Variants in HERC2 observed in about 807,000 individuals in gnomAD.
HERC2 encodes the protein E3 ubiquitin-protein ligase HERC2.
A neutral mutation model predicts 537.7 loss-of-function variants in HERC2; 102 were observed. The ratio of observed to expected loss-of-function variants is 0.19; its 90% CI spans 0.16 to 0.22. HERC2 has a LOEUF of 0.22. Among genes scored for constraint, HERC2 ranks in the 10% least tolerant of loss-of-function variants. The pLI is 1.00. For missense variants in HERC2, 4,236 were observed against 6,198.2 expected (o/e 0.68, Z 10.63); for synonymous variants, 2,224 against 2,466.2 (o/e 0.90, Z 2.91).
chr15:28,137,851 A>G (rs1157595875), intron 78 of HERC2, among the ~76,000 whole-genome samples: 1 of 152,244 alleles, frequency 6.6e-6, no homozygotes, highest in Non-Finnish European at 1.5e-5. Context: ...GGCACACTGA[A>G]AGCCAAGACA....
intron 6 of HERC2, 79 bp from the exon 7 acceptor site, chr15:28,274,526 T>G (rs1203317764): frequency 7.0e-7 from 1 of 1,434,926 alleles, no homozygotes; most frequent in Non-Finnish European, 9.3e-7. Flanking sequence ...CAGCGAGAGA[T>G]GACGCCACTG....
rs997704681 is a variant in HERC2 at position 28,162,953 on chromosome 15, G to C, written c.10746+141C>G. ...AAATGCTAAAACGTTTTGCTCTAAA[G>C]GAGTGCTCCTAACCTGCAGTCTACT... On this transcript the variant is annotated intron_variant, in intron 69 of 92. Coordinates refer to ENST00000261609, the MANE Select transcript of HERC2 (RefSeq NM_004667.6). The C allele has an allele frequency of 2.3e-5, 16 of 702,376 alleles. No individual in the cohort carries two copies. The African/African-American group carries it at 2.5e-4, about 11-fold the overall frequency. The allele number at this position is 702,376 out of a possible 1,614,324, so 43.5% of individuals were successfully genotyped here. A position where few individuals can be genotyped will look rare whatever the true frequency, so the allele number is the denominator to read the frequency against.
chr15:28,282,044 A>G (rs1199718090), intron 4 of HERC2, among the ~76,000 whole-genome samples: 1 of 152,128 alleles, frequency 6.6e-6, no homozygotes, highest in African/African-American at 2.4e-5. Flanking sequence ...GTACACTCTG[A>G]AACAGTGGGT....
Position 28,114,971 on chromosome 15 carries a change from G to A in HERC2, c.13723-169C>T, listed in dbSNP as rs1312413879. On this transcript the variant is annotated intron_variant, in intron 89 of 92. Transcript: ENST00000261609. ...AAGATATAAGAGGAGCAACGAGAGA[G>A]TACTTCACCCAAGGAGCTGAACGAA... Among the ~76,000 whole-genome samples, 5 of 152,146 alleles carry A rather than the reference G, an allele frequency of 3.3e-5. No homozygotes were observed. The East Asian group carries it at 9.7e-4, about 30-fold the overall frequency.
intron 92 of HERC2, among the ~76,000 whole-genome samples, chr15:28,112,606 G>A (rs1388198278): frequency 6.6e-6 from 1 of 152,214 alleles, no homozygotes; most frequent in Non-Finnish European, 1.5e-5. Context: ...CCAACAGAGA[G>A]TGGGGGCATT....
chr15:28,179,160 A>T lies in HERC2; in HGVS notation c.9001T>A (p.Ser3001Thr). 6.2e-7 allele frequency: 1 copy of T among 1,613,024 alleles called. No homozygotes were observed. The highest frequency in any genetic ancestry group is 8.5e-7 in the Non-Finnish European group (1 of 1,179,546). Residue 3001 changes from serine to threonine, a missense_variant, in exon 58 of 93, where the codon TCT (serine) becomes ACT (threonine). This residue lies in a region of HERC2 where 606 missense variants were observed against 884.5 expected (regional missense o/e 0.69). Coordinates refer to ENST00000261609, the MANE Select transcript of HERC2 (RefSeq NM_004667.6). ...ATCATACCTGCAAACAAACTTTTAGATCCACCAGCCACCTGTACCACATTC... is the reference window on the plus strand; with the variant it reads ...ATCATACCTGCAAACAAACTTTTAGTTCCACCAGCCACCTGTACCACATTC... ...ALNVVQVAGG[S>T]KSLFAVTVEG...
chr15:28,304,702 A>ATTTTTTTTTTTTTTTTTTTTTTT (rs780900477), intron 2 of HERC2, among the ~76,000 whole-genome samples: 1 of 108,346 alleles, frequency 9.2e-6, no homozygotes, highest in African/African-American at 3.4e-5. Context: ...AAGGGCTTCC[A>ATTTTTTTTTTTTTTTTTTTTTTT]TTTTTTTTTT....
At chr15:28,278,263 G>A (rs1214665842) in intron 5 of HERC2, among the ~76,000 whole-genome samples, 1 of 151,984 alleles carries the variant, frequency 6.6e-6, no homozygotes, top group Non-Finnish European at 1.5e-5. Context: ...CACGCCTGCA[G>A]TCCCAGCTAC....
intron 38 of HERC2, among the ~76,000 whole-genome samples, chr15:28,217,645 A>G (rs1404666158): frequency 6.6e-6 from 1 of 152,230 alleles, no homozygotes; most frequent in Non-Finnish European, 1.5e-5. Context: ...ATACATTCGG[A>G]ACCTCAGAAT....
chr15:28,133,722 C>T (rs954446447), intron 79 of HERC2, among the ~76,000 whole-genome samples: 41 of 152,340 alleles, frequency 2.7e-4, no homozygotes, highest in African/African-American at 9.1e-4. Flanking sequence ...AGTGAACTGG[C>T]TGTGCACTCG....
rs112394537 is a variant in HERC2, at chr15:28,226,749, T to C, written c.5464+1469A>G. Among the ~76,000 whole-genome samples, 1,389 of 152,256 alleles carry C rather than the reference T, an allele frequency of 9.1e-3. 18 individuals carry two copies. The highest frequency in any genetic ancestry group is 0.031 in the African/African-American group (1,280 of 41,546). On this transcript the variant is annotated intron_variant, in intron 35 of 92. Transcript: ENST00000261609. ...AGACGACAAAAGAGAAACAGATAAA[T>C]TGAACTTCATCAAAATAAAAAACTT... is the stretch of plus-strand genomic sequence containing the variant.
At chr15:28,289,953 A>G (rs1023760013) in intron 4 of HERC2, among the ~76,000 whole-genome samples, 2 of 151,036 alleles carry the variant, frequency 1.3e-5, no homozygotes, top group African/African-American at 4.9e-5. Flanking sequence ...TGAGAGGACC[A>G]CACACCTCAG....
intron 71 of HERC2, 143 bp from the exon 72 acceptor site, chr15:28,144,947 C>A: frequency 1.0e-6 from 1 of 970,674 alleles, no homozygotes; most frequent in Non-Finnish European, 1.6e-6. Flanking sequence ...CCGAAGTGCA[C>A]AGTGACACAA....
intron 88 of HERC2, among the ~76,000 whole-genome samples, chr15:28,116,222 C>CTTT (rs11365574): frequency 7.9e-6 from 1 of 126,510 alleles, no homozygotes; most frequent in African/African-American, 2.7e-5. Context: ...TTTTCTTTTT[C>CTTT]TTTTTTTTTT....
At chr15:28,257,598 G>A (rs16950941) in intron 16 of HERC2, among the ~76,000 whole-genome samples, 10,497 of 152,256 alleles carry the variant, frequency 0.069, 879 homozygotes, top group East Asian at 0.41. Flanking sequence ...ACTAGACAAC[G>A]AATTGTTAGA....
rs753358110 is a variant in HERC2, at chr15:28,191,050, T to C, written c.8564A>G (p.Asn2855Ser). 59 of 1,611,324 alleles carry C rather than the reference T, an allele frequency of 3.7e-5. 1 individual carries two copies. The South Asian group carries it at 5.7e-4, about 16-fold the overall frequency. ...MPSLVVVSGG[N>S]SLNNLIELKT... is the part of the protein sequence containing the mutation. ...TAGTTCAATAAGGTTATTCAGGGAA[T>C]TTCCACCTAGGAAAAAATGGGTAAA... Residue 2855 changes from asparagine (N) to serine (S), a missense_variant, in exon 55 of 93, where the codon AAT (asparagine) becomes AGT (serine). By Grantham distance (46) the Asn-to-Ser change is conservative. Coordinates refer to ENST00000261609, the MANE Select transcript of HERC2 (RefSeq NM_004667.6).
Position 28,144,208 on chromosome 15 carries a change from C to A in HERC2, c.11168G>T (p.Cys3723Phe). ...GTCCATGGATGGACAGGAGAGGACG[C>A]AGCGGTCAGAGAGGAGTTCTTTAGG... is the stretch of plus-strand genomic sequence containing the variant. ...AGPKELLSDR[C>F]VLSCPSMDLV... Residue 3723 changes from cysteine to phenylalanine, a missense_variant, in exon 73 of 93, where the codon TGC becomes TTC. By Grantham distance (205) the Cys-to-Phe change is radical. Transcript: ENST00000261609. 6.2e-7 allele frequency: 1 copy of A among 1,614,146 alleles called. No individual in the cohort carries two copies. The highest frequency in any genetic ancestry group is 8.5e-7 in the Non-Finnish European group (1 of 1,180,050).
intron 70 of HERC2, among the ~76,000 whole-genome samples, chr15:28,148,558 T>C (rs1247943786): frequency 2.0e-5 from 3 of 152,150 alleles, no homozygotes; most frequent in African/African-American, 7.2e-5. Flanking sequence ...GAGCACCCCT[T>C]ACCCGAGAAC....
intron 35 of HERC2, among the ~76,000 whole-genome samples, chr15:28,226,984 G>A (rs1343469812): frequency 6.6e-6 from 1 of 152,176 alleles, no homozygotes; most frequent in East Asian, 1.9e-4. Context: ...TATTTAAAAA[G>A]GAGAAACGGG....
Sources: gnomAD v4.1 joint callset for allele counts (sites outside exome capture counted in the v4.1 genomes callset) on GRCh38, gnomAD v4.1.1 for gene constraint, gnomAD v4.1.1 regional missense constraint, MANE v1.5 for transcripts, NCBI Gene and HGNC (gene_info 2026-07-23, HGNC 2026-07-21) for gene names.